The following NEK9 variants were observed in gnomAD, a reference collection of about 807,000 sequenced individuals.
NEK9 encodes NIMA related kinase 9, also known as serine/threonine-protein kinase Nek9.
A neutral mutation model predicts 123.4 loss-of-function variants in NEK9; 75 were observed. The observed-to-expected ratio is 0.61, with a 90% CI of 0.50 to 0.74. NEK9 has a LOEUF of 0.74. Ranked by LOEUF, NEK9 falls within the 30% of genes least tolerant of loss-of-function variation. NEK9 has a pLI of 0.00. For missense variants in NEK9, 952 were observed against 1,214.4 expected, an observed-to-expected ratio of 0.78 and a Z score of 3.21; for synonymous variants, 438 against 458.7, an observed-to-expected ratio of 0.95 and a Z score of 0.58.
chr14:75,087,182 G>A lies in NEK9; in HGVS notation c.2653C>T (p.Leu885=). ...AVTCAGKGTP[L]TPPACACSSL... ...CTGCACGCACACGCAGGAGGAGTCA[G>A]TGGTGTTCCCTTCCCAGCACAGGTT... Residue 885 remains leucine (L), a synonymous_variant, in exon 21 of 22, where the codon CTG becomes TTG. Coordinates refer to ENST00000238616, the MANE Select transcript of NEK9 (RefSeq NM_033116.6). The A allele has an allele frequency of 6.2e-7, 1 of 1,614,162 alleles. No homozygotes were observed. The highest frequency in any genetic ancestry group is 2.2e-5 in the East Asian group (1 of 44,892).
chr14:75,102,221 T>C (rs558377502), intron 14 of NEK9, among the ~76,000 whole-genome samples: 1 of 152,340 alleles, frequency 6.6e-6, no homozygotes, highest in Non-Finnish European at 1.5e-5. Flanking sequence ...TTAAAACTCA[T>C]GTTCCCTTTG....
intron 3 of NEK9, 22 bp downstream of exon 3, chr14:75,121,097 C>T (rs534813348): frequency 8.8e-5 from 139 of 1,585,228 alleles, no homozygotes; most frequent in Non-Finnish European, 1.1e-4. Flanking sequence ...TTCTAACTTC[C>T]TTCCACAGAA....
chr14:75,100,257 C>T (rs1192343556), intron 16 of NEK9, among the ~76,000 whole-genome samples: 2 of 148,488 alleles, frequency 1.3e-5, no homozygotes, highest in South Asian at 4.3e-4. Flanking sequence ...GACCAGCTGA[C>T]CAACATAAAG....
chr14:75,091,329 T>A lies in NEK9; in HGVS notation c.2383A>T (p.Thr795Ser), dbSNP rs772021584. 1.2e-6 allele frequency: 2 copies of A among 1,614,080 alleles called. No individual in the cohort carries two copies. Among genetic ancestry groups the A allele is most frequent in the Admixed American group, 3.3e-5 (2 of 60,000 alleles). ...CCATTACTGTTCCCCATGGCCTCTG[T>A]GGGACTGATTAAACCTTCCATTCCT... Reference protein sequence around the residue: ...DRGMEGLISPTEAMGNSNGAS... With the variant: ...DRGMEGLISPSEAMGNSNGAS... The change falls in exon 19 of 22, where the codon ACA becomes TCA. Residue 795 changes from threonine to serine, a missense_variant. Transcript: ENST00000238616.
chr14:75,123,904 G>T, intron 2 of NEK9, 142 bp downstream of exon 2: 1 of 640,746 alleles, frequency 1.6e-6, no homozygotes, highest in Non-Finnish European at 2.4e-6. Flanking sequence ...AATTCTCCAA[G>T]GCCTGAAAAG....
rs1230642766 is a variant in NEK9, at chr14:75,117,259, T to C, written c.698A>G (p.Asp233Gly). ...CQGVKYNFKS[D>G]IWAVGCVIFE... ...AATGACGCAGCCAACTGCCCAGATA[T>C]CAGACTTGAAATTGTACTTTACTCC... The change falls in exon 6 of 22, where the codon GAT (aspartate) becomes GGT (glycine). Residue 233 changes from aspartate (D) to glycine (G), a missense_variant. Asp to Gly is a moderately conservative substitution (Grantham distance 94). This residue lies in a region of NEK9 where 28 missense variants were observed against 88.3 expected (regional missense o/e 0.32). Transcript: ENST00000238616. The C allele has an allele frequency of 3.1e-6, 5 of 1,613,990 alleles. No individual in the cohort carries two copies. Among genetic ancestry groups the C allele is most frequent in the Non-Finnish European group, 4.2e-6 (5 of 1,180,020 alleles).
intron 6 of NEK9, chr14:75,116,443 T>C: frequency 6.4e-6 from 2 of 311,730 alleles, no homozygotes; most frequent in Non-Finnish European, 1.3e-5. Flanking sequence ...AATAAAACAA[T>C]TATCTTTTGC....
Position 75,087,141 on chromosome 14 carries a change from C to T in NEK9, c.2694G>A (p.Glu898=), listed in dbSNP as rs772977353. ...PACACSSLQV[E]VERLQGLVLK... ...ACACCAGACCCTGCAATCTCTCAACCTCCACCTGCAGAGAGCTGCACGCAC... is the reference window on the plus strand; with the variant it reads ...ACACCAGACCCTGCAATCTCTCAACTTCCACCTGCAGAGAGCTGCACGCAC... Residue 898 remains glutamate, a synonymous_variant, in exon 21 of 22, where the codon GAG becomes GAA. Coordinates refer to ENST00000238616, the MANE Select transcript of NEK9 (RefSeq NM_033116.6). 3.1e-6 allele frequency: 5 copies of T among 1,614,190 alleles called. No homozygotes were observed. Among genetic ancestry groups the T allele is most frequent in the South Asian group, 1.1e-5 (1 of 91,082 alleles).
At position 75,127,047 on chromosome 14, in the gene NEK9, G is replaced by A. The variant is rs1490228629; in HGVS notation, c.-126C>T. The A allele has an allele frequency of 2.8e-6, 2 of 720,650 alleles. No individual in the cohort carries two copies. Among genetic ancestry groups the A allele is most frequent in the Admixed American group, 4.0e-5 (1 of 25,066 alleles). 44.6% of individuals were successfully genotyped at this position (720,650 alleles called of 1,614,324 possible). On this transcript the variant is annotated 5_prime_UTR_variant, in exon 1 of 22. Coordinates refer to ENST00000238616, the MANE Select transcript of NEK9 (RefSeq NM_033116.6). Reference sequence around the variant, plus strand: ...CCCAGCAACCCCGCGAAGCTCGATGGTGGCTCCTGCCCCCCGACCCGGAAA... The same window carrying A: ...CCCAGCAACCCCGCGAAGCTCGATGATGGCTCCTGCCCCCCGACCCGGAAA...
chr14:75,100,029 T>C (rs571413216), intron 16 of NEK9, among the ~76,000 whole-genome samples: 3 of 144,586 alleles, frequency 2.1e-5, no homozygotes, highest in African/African-American at 7.7e-5. Context: ...CTCAGGAGGC[T>C]GAGGCACAAG....
chr14:75,088,455 A>T (rs1483296320), intron 20 of NEK9, 25 bp downstream of exon 20: 1 of 1,609,810 alleles, frequency 6.2e-7, no homozygotes, highest in South Asian at 1.1e-5. Flanking sequence ...CCTAGTTGTG[A>T]TTCAAAGGCA....
intron 12 of NEK9, chr14:75,106,224 T>C (rs918476661): frequency 1.3e-5 from 8 of 595,318 alleles, no homozygotes; most frequent in Non-Finnish European, 2.4e-5. Flanking sequence ...CTGGGTGTGA[T>C]GGTGTGTGCC....
chr14:75,083,089 T>C lies in NEK9; in HGVS notation c.*1475A>G, dbSNP rs1893915183. On this transcript the variant is annotated 3_prime_UTR_variant, in exon 22 of 22. Coordinates refer to ENST00000238616, the MANE Select transcript of NEK9 (RefSeq NM_033116.6). ...TTTGGAGAAATGGCAAAATTTCCAT[T>C]GCACAAGACCTCCCACAATGTTGAT... is the stretch of plus-strand genomic sequence containing the variant. The C allele has an allele frequency of 2.5e-6, 1 of 398,606 alleles. No individual in the cohort carries two copies. Among genetic ancestry groups the C allele is most frequent in the Non-Finnish European group, 4.4e-6 (1 of 226,060 alleles). 24.7% of individuals were successfully genotyped at this position (398,606 alleles called of 1,614,324 possible).
intron 10 of NEK9, among the ~76,000 whole-genome samples, chr14:75,108,442 A>T (rs529812173): frequency 6.6e-6 from 1 of 152,054 alleles, no homozygotes; most frequent in Admixed American, 6.6e-5. Flanking sequence ...ACAGTTTTAT[A>T]GAGAAAAATA....
At position 75,110,315 on chromosome 14, in the gene NEK9, C is replaced by CATTA. The variant is rs778087853; in HGVS notation, c.989+2_989+5dup. 1 of 1,609,302 alleles carries CATTA rather than the reference C, an allele frequency of 6.2e-7. No homozygotes were observed. Among genetic ancestry groups the CATTA allele is most frequent in the South Asian group, 1.1e-5 (1 of 90,716 alleles). ...TATTAGTTTTTAAGAGTCTCTTGAACATTACCTTGGTCTCTTTGTAGGTGC... is the reference window on the plus strand; with the variant it reads ...TATTAGTTTTTAAGAGTCTCTTGAACATTAATTACCTTGGTCTCTTTGTAGGTGC... On this transcript the variant is annotated splice_donor_region_variant and intron_variant, in intron 9 of 21. Transcript: ENST00000238616.
rs548477588 is a variant in NEK9, at chr14:75,124,080, A to G, written c.363T>C (p.Asn121=). The G allele has an allele frequency of 1.2e-6, 2 of 1,613,818 alleles. No homozygotes were observed. Among genetic ancestry groups the G allele is most frequent in the African/African-American group, 1.3e-5 (1 of 75,062 alleles). ...ATTCCAGCTCAATCAGCAGCGTGGT[A>G]TTGTCCATGAAGTGATTGTAGTAGG... ...IIAYYNHFMD[N]TTLLIELEYC... The change falls in exon 2 of 22, where the codon AAT becomes AAC. Residue 121 remains asparagine (N), a synonymous_variant. Transcript: ENST00000238616.
intron 17 of NEK9, among the ~76,000 whole-genome samples, chr14:75,096,379 C>T (rs957563113): frequency 6.6e-6 from 1 of 151,460 alleles, no homozygotes; most frequent in African/African-American, 2.4e-5. Flanking sequence ...AACCCTTACA[C>T]AGGCATTTAT....
chr14:75,095,308 A>G (rs1413529330), intron 18 of NEK9, 64 bp downstream of exon 18: 5 of 1,168,334 alleles, frequency 4.3e-6, no homozygotes, highest in Non-Finnish European at 6.3e-6. Flanking sequence ...TGGAGTCTAC[A>G]TGGAATCTAA....
chr14:75,112,573 C>T (rs1176151552), intron 8 of NEK9, among the ~76,000 whole-genome samples: 1 of 152,194 alleles, frequency 6.6e-6, no homozygotes, highest in African/African-American at 2.4e-5. Context: ...CCTGTAATCC[C>T]AACACTTTGG....
Sources: gnomAD v4.1 joint callset for allele counts (sites outside exome capture counted in the v4.1 genomes callset) on GRCh38, gnomAD v4.1.1 for gene constraint, gnomAD v4.1.1 regional missense constraint, MANE v1.5 for transcripts, NCBI Gene and HGNC (gene_info 2026-07-23, HGNC 2026-07-21) for gene names.